Variants in DNAI3 observed in about 807,000 individuals in gnomAD.
The protein encoded by DNAI3 is WD repeat domain 63.
Under a neutral mutation model 115.5 loss-of-function variants are expected in DNAI3, and 83 were observed. That is an observed-to-expected ratio of 0.72 (90% confidence interval 0.60 to 0.86). The LOEUF (loss-of-function observed/expected upper bound fraction) is 0.86. DNAI3 is among the 40% of genes least tolerant of loss of function. The pLI is 0.00. For synonymous variants in DNAI3, 320 were observed against 347.0 expected, an observed-to-expected ratio of 0.92 and a Z score of 0.86; for missense variants, 1,004 against 1,075.8, an observed-to-expected ratio of 0.93 and a Z score of 0.93.
chr1:85,099,311 A>G (rs2100587332), intron 13 of DNAI3: 1 of 980,302 alleles, frequency 1.0e-6, no homozygotes, highest in Non-Finnish European at 1.2e-6. Context: ...TTCTGAGAAA[A>G]TCACAAGCAT....
chr1:85,093,348 T>A (rs1655035828), intron 8 of DNAI3, 110 bp from the exon 9 acceptor site: 1 of 967,658 alleles, frequency 1.0e-6, no homozygotes, highest in South Asian at 1.7e-5. Flanking sequence ...TAATTGAGAA[T>A]TATTATTTTT....
At chr1:85,084,842 C>T (rs1654751542) in intron 6 of DNAI3, 147 bp downstream of exon 6, 2 of 807,378 alleles carry the variant, frequency 2.5e-6, no homozygotes, top group African/African-American at 1.8e-5. Flanking sequence ...GAAGAATGGT[C>T]ATTGTCTTAA....
intron 8 of DNAI3, 144 bp from the exon 9 acceptor site, chr1:85,093,314 G>A (rs962628891): frequency 3.7e-6 from 3 of 806,540 alleles, no homozygotes; most frequent in Non-Finnish European, 5.7e-6. Context: ...TATTTCACAT[G>A]AGGTTAATCA....
At position 85,071,972 on chromosome 1, in the gene DNAI3, C is replaced by T. The variant is rs1196093112; in HGVS notation, c.31C>T (p.Arg11Cys). The T allele has an allele frequency of 5.0e-6, 8 of 1,610,678 alleles. No homozygotes were observed. The highest frequency in any genetic ancestry group is 4.5e-5 in the East Asian group (2 of 44,794). The change falls in exon 2 of 23, where the codon CGT becomes TGT. Residue 11 changes from arginine (R) to cysteine (C), a missense_variant. Physicochemically the swap from Arg to Cys is radical, Grantham distance 180. Coordinates refer to ENST00000294664, the MANE Select transcript of DNAI3 (RefSeq NM_145172.5). ...TCCAAAACAAAAGAAAAAGACATCA[C>T]GTGGCAAAAAAAGACTAAAACCAGT... MAPKQKKKTS[R>C]GKKRLKPVLA...
chr1:85,078,185 G>A (rs1207792164), intron 3 of DNAI3, among the ~76,000 whole-genome samples: 2 of 151,980 alleles, frequency 1.3e-5, no homozygotes. Flanking sequence ...TAGCATAGTT[G>A]AGTTCAGGGA....
At chr1:85,085,642 C>T (rs765672813) in intron 6 of DNAI3, among the ~76,000 whole-genome samples, 189 bp from the exon 7 acceptor site, 4 of 152,164 alleles carry the variant, frequency 2.6e-5, no homozygotes, top group Non-Finnish European at 4.4e-5. Flanking sequence ...GCAAAGTGGT[C>T]CCAATAGCCC....
chr1:85,072,969 A>G (rs914669469), intron 2 of DNAI3, 85 bp from the exon 3 acceptor site: 7 of 834,950 alleles, frequency 8.4e-6, no homozygotes, highest in Admixed American at 3.3e-5. Flanking sequence ...AAAAAAAAAA[A>G]AAAAAGAAGA....
At chr1:85,123,595 C>T (rs1656047889) in intron 18 of DNAI3, among the ~76,000 whole-genome samples, 1 of 152,204 alleles carries the variant, frequency 6.6e-6, no homozygotes, top group Admixed American at 6.5e-5. Context: ...GATGCATCTC[C>T]ACAGAAGCCT....
Position 85,098,459 on chromosome 1 carries a change from G to A in DNAI3, c.1351-71G>A. 7.8e-6 allele frequency: 12 copies of A among 1,547,936 alleles called. No individual in the cohort carries two copies. In the South Asian group the frequency reaches 1.5e-4, roughly 19 times the overall value. On this transcript the variant is annotated intron_variant, in intron 12 of 22. Coordinates refer to ENST00000294664, the MANE Select transcript of DNAI3 (RefSeq NM_145172.5). ...CTAAATTGTTCATTTTAATTGAGAT[G>A]ATGAGTAAAGTATGAGTTCATTCAT...
intron 14 of DNAI3, 133 bp downstream of exon 14, chr1:85,104,730 A>C: frequency 1.4e-6 from 1 of 724,098 alleles, no homozygotes; most frequent in Non-Finnish European, 2.2e-6. Context: ...AAATGAAAGA[A>C]TGTTATGGAT....
intron 13 of DNAI3, among the ~76,000 whole-genome samples, chr1:85,104,283 G>A (rs137975748): frequency 0.052 from 7,844 of 152,040 alleles, 269 homozygotes; most frequent in East Asian, 0.15. Flanking sequence ...ACCACGCCCG[G>A]CTAATTTTTT....
At chr1:85,082,462 T>C in intron 5 of DNAI3, 58 bp downstream of exon 5, 1 of 1,373,660 alleles carries the variant, frequency 7.3e-7, no homozygotes, top group Non-Finnish European at 1.0e-6. Flanking sequence ...GTGGTTGTTT[T>C]TGAGATAGGC....
intron 1 of DNAI3, among the ~76,000 whole-genome samples, chr1:85,064,850 T>C (rs1654046573): frequency 6.6e-6 from 1 of 152,074 alleles, no homozygotes. Flanking sequence ...CTGGCCAACA[T>C]GGCAAAACCC....
intron 7 of DNAI3, among the ~76,000 whole-genome samples, chr1:85,088,953 C>T: frequency 6.6e-6 from 1 of 151,998 alleles, no homozygotes; most frequent in East Asian, 1.9e-4. Flanking sequence ...ACTCTGCCTT[C>T]TGCTATGGAT....
At position 85,128,724 on chromosome 1, in the gene DNAI3, A is replaced by G. The variant is rs1298818420; in HGVS notation, c.2334A>G (p.Ile778Met). Reference sequence around the variant, plus strand: ...AATTTTCAGCTAAACAGCAATTTATAGCCACAGCTGATTATTATGGAACAC... The same window carrying G: ...AATTTTCAGCTAAACAGCAATTTATGGCCACAGCTGATTATTATGGAACAC... ...PWIFSSKQQF[I>M]ATADYYGTLH... Residue 778 changes from isoleucine to methionine, a missense_variant, in exon 21 of 23, where the codon ATA becomes ATG. Coordinates refer to ENST00000294664, the MANE Select transcript of DNAI3 (RefSeq NM_145172.5). 6.2e-7 allele frequency: 1 copy of G among 1,607,094 alleles called. No individual in the cohort carries two copies. Among genetic ancestry groups the G allele is most frequent in the South Asian group, 1.1e-5 (1 of 88,512 alleles).
At chr1:85,124,052 G>C (rs1343500947) in intron 18 of DNAI3, 69 bp from the exon 19 acceptor site, 2 of 1,596,012 alleles carry the variant, frequency 1.3e-6, no homozygotes, top group Non-Finnish European at 1.7e-6. Flanking sequence ...TTGGAGGTCT[G>C]TCCATTCCTC....
chr1:85,124,977 G>A (rs562835172), intron 19 of DNAI3, among the ~76,000 whole-genome samples: 60 of 152,114 alleles, frequency 3.9e-4, no homozygotes, highest in Non-Finnish European at 7.2e-4. Flanking sequence ...AATAAGCTGA[G>A]GGTATGTCAG....
At chr1:85,069,810 T>C (rs1654212392) in intron 1 of DNAI3, among the ~76,000 whole-genome samples, 1 of 152,068 alleles carries the variant, frequency 6.6e-6, no homozygotes, top group Non-Finnish European at 1.5e-5. Flanking sequence ...AGGAATCTTC[T>C]GAAAAAAAGG....
chr1:85,071,868 G>A (rs1654287394), intron 1 of DNAI3, 60 bp from the exon 2 acceptor site: 2 of 1,461,742 alleles, frequency 1.4e-6, no homozygotes, highest in South Asian at 1.2e-5. Context: ...TTTAGTATTT[G>A]AAATTGTAAG....
Sources: allele counts gnomAD v4.1 joint callset (sites outside exome capture counted in the v4.1 genomes callset), GRCh38; gene constraint gnomAD v4.1.1; transcripts MANE v1.5; gene names NCBI Gene and HGNC (gene_info 2026-07-23, HGNC 2026-07-21).